Variants in FBXO3 observed in about 807,000 individuals in gnomAD.
FBXO3 encodes the protein F-box protein 3.
A neutral mutation model predicts 64.8 loss-of-function variants in FBXO3; 17 were observed. The observed-to-expected ratio is 0.26, with a 90% CI of 0.18 to 0.39. The LOEUF is 0.39. Ranked by LOEUF, FBXO3 falls within the 10% of genes least tolerant of loss-of-function variation. The probability of loss-of-function intolerance (pLI) is 1.00; values close to 1 mark genes in which losing one functional copy is unlikely to be tolerated. For synonymous variants in FBXO3, 182 were observed against 201.6 expected, an observed-to-expected ratio of 0.90 and a Z score of 0.82; for missense variants, 420 against 589.9, an observed-to-expected ratio of 0.71 and a Z score of 2.98.
At chr11:33,750,244 T>C (rs542407420) in intron 8 of FBXO3, among the ~76,000 whole-genome samples, 1 of 152,290 alleles carries the variant, frequency 6.6e-6, no homozygotes, top group South Asian at 2.1e-4. Context: ...GCTTCTAGAA[T>C]GCATTACAAC....
At chr11:33,765,889 G>A (rs1218646190) in intron 3 of FBXO3, among the ~76,000 whole-genome samples, 1 of 152,100 alleles carries the variant, frequency 6.6e-6, no homozygotes, top group Non-Finnish European at 1.5e-5. Flanking sequence ...AGCTCCCTGA[G>A]GCCTCCCCAG....
At chr11:33,747,876 T>TAAAAAAAAA (rs60328389) in intron 9 of FBXO3, among the ~76,000 whole-genome samples, 1 of 106,706 alleles carries the variant, frequency 9.4e-6, no homozygotes, top group Non-Finnish European at 2.0e-5. Context: ...AAGTATCTAG[T>TAAAAAAAAA]AAAAAAAAAA....
intron 1 of FBXO3, chr11:33,772,995 A>G (rs1314942536): frequency 6.6e-6 from 1 of 151,626 alleles, no homozygotes; most frequent in Non-Finnish European, 1.5e-5. Flanking sequence ...GCCACAGGAA[A>G]AAAAAAAAAA....
At chr11:33,773,595 A>G (rs1276866242) in intron 1 of FBXO3, 2 of 152,304 alleles carry the variant, frequency 1.3e-5, no homozygotes, top group Non-Finnish European at 2.9e-5. Flanking sequence ...CAATCCTGAC[A>G]GCTGGGGGGC....
At chr11:33,761,867 T>C (rs1328094900) in intron 3 of FBXO3, among the ~76,000 whole-genome samples, 1 of 152,176 alleles carries the variant, frequency 6.6e-6, no homozygotes, top group Non-Finnish European at 1.5e-5. Flanking sequence ...CTCCATAATA[T>C]GCCAGCTTGC....
At chr11:33,759,538 A>T (rs189947450) in intron 3 of FBXO3, among the ~76,000 whole-genome samples, 2 of 152,360 alleles carry the variant, frequency 1.3e-5, no homozygotes, top group Admixed American at 1.3e-4. Flanking sequence ...ACTAAAGCCC[A>T]GCTTTCAATC....
intron 2 of FBXO3, among the ~76,000 whole-genome samples, chr11:33,769,645 A>C (rs898397095): frequency 6.6e-6 from 1 of 152,118 alleles, no homozygotes; most frequent in Admixed American, 6.5e-5. Flanking sequence ...AGACGGCCTT[A>C]AGGTAACATA....
At chr11:33,754,676 G>A (rs988453429) in intron 5 of FBXO3, among the ~76,000 whole-genome samples, 176 bp from the exon 6 acceptor site, 11 of 152,104 alleles carry the variant, frequency 7.2e-5, no homozygotes, top group Non-Finnish European at 1.3e-4. Context: ...CAAGAGATCC[G>A]AACAGTTCTA....
intron 8 of FBXO3, among the ~76,000 whole-genome samples, chr11:33,750,267 T>A (rs1289652655): frequency 6.6e-6 from 1 of 152,228 alleles, no homozygotes; most frequent in African/African-American, 2.4e-5. Flanking sequence ...GAAGCTTTAA[T>A]GACGACTACA....
intron 10 of FBXO3, chr11:33,744,753 G>T (rs750770189): frequency 6.6e-6 from 1 of 152,196 alleles, no homozygotes; most frequent in Admixed American, 6.5e-5. Context: ...ATAGTTAAGA[G>T]AGAGCTGAAC....
At position 33,741,781 on chromosome 11, in the gene FBXO3, G is replaced by A; in HGVS notation, c.*127C>T. ...CTAATGTAGTGTCACATAGAACCCAGGGCCTGAAACAATATTTCATGCTAG... is the reference window on the plus strand; with the variant it reads ...CTAATGTAGTGTCACATAGAACCCAAGGCCTGAAACAATATTTCATGCTAG... On this transcript the variant is annotated 3_prime_UTR_variant, in exon 11 of 11. Transcript: ENST00000265651. 1 of 929,174 alleles carries A rather than the reference G, an allele frequency of 1.1e-6. No homozygotes were observed. The highest frequency in any genetic ancestry group is 1.5e-6 in the Non-Finnish European group (1 of 678,800). The allele number at this position is 929,174 out of a possible 1,614,324, so 57.6% of individuals were successfully genotyped here.
At chr11:33,767,049 T>C (rs181721771) in intron 3 of FBXO3, among the ~76,000 whole-genome samples, 158 of 149,888 alleles carry the variant, frequency 1.1e-3, no homozygotes, top group African/African-American at 3.7e-3. Flanking sequence ...AGCTGTTACA[T>C]ATCCTTAGTT....
At chr11:33,750,740 G>A in intron 7 of FBXO3, 79 bp from the exon 8 acceptor site, 4 of 1,331,292 alleles carry the variant, frequency 3.0e-6, no homozygotes, top group East Asian at 2.4e-5. Flanking sequence ...TTATACTTTA[G>A]GACAAAAAAT....
Position 33,758,576 on chromosome 11 carries a change from A to G in FBXO3, c.384T>C (p.Asp128=), listed in dbSNP as rs774830049. Residue 128 remains aspartate (D), a synonymous_variant, in exon 4 of 11, where the codon GAT becomes GAC. Coordinates refer to ENST00000265651, the MANE Select transcript of FBXO3 (RefSeq NM_012175.4). ...LKEGAREEDL[D]AVEAQIGCKL... is the part of the protein sequence containing the mutation. ...TGCAGCCAATCTGCGCTTCCACAGC[A>G]TCGAGGTCTTCCTCTCGAGCACCCT... The G allele has an allele frequency of 6.2e-7, 1 of 1,608,224 alleles. No homozygotes were observed. Among genetic ancestry groups the G allele is most frequent in the Non-Finnish European group, 8.5e-7 (1 of 1,175,638 alleles).
At chr11:33,749,247 C>T (rs1180138158) in intron 8 of FBXO3, among the ~76,000 whole-genome samples, 1 of 152,180 alleles carries the variant, frequency 6.6e-6, no homozygotes, top group Non-Finnish European at 1.5e-5. Context: ...TGAAAAACTT[C>T]CGGAGAACTG....
intron 8 of FBXO3, among the ~76,000 whole-genome samples, chr11:33,749,515 C>T (rs912214542): frequency 6.6e-6 from 1 of 152,128 alleles, no homozygotes; most frequent in South Asian, 2.1e-4. Context: ...GCATGTGCCA[C>T]CACACCTGGC....
intron 1 of FBXO3, chr11:33,774,183 G>A (rs1344930361): frequency 1.9e-6 from 1 of 526,884 alleles, no homozygotes. Context: ...TCATACCTGG[G>A]CCCAGGACAG....
At chr11:33,754,433 A>G (rs1179454617) in intron 6 of FBXO3, 22 bp downstream of exon 6, 1 of 1,568,366 alleles carries the variant, frequency 6.4e-7, no homozygotes, top group South Asian at 1.2e-5. Flanking sequence ...GAAGGGGGAA[A>G]AAAGACTTTT....
chr11:33,747,161 C>T lies in FBXO3; in HGVS notation c.1208G>A (p.Cys403Tyr). Residue 403 changes from cysteine (C) to tyrosine (Y), a missense_variant, in exon 10 of 11, where the codon TGT becomes TAT. Around this residue, in one of 3 missense-constraint regions of FBXO3, gnomAD observed 337 missense variants for 518.4 expected, o/e 0.65. Transcript: ENST00000265651. ...NVAIPRFHMA[C>Y]PTFRVSIARL... ...GGCTATAGACACCCTGAATGTTGGA[C>T]ATGCCATATGGAATCGGGGAATGGC... is the stretch of plus-strand genomic sequence containing the variant. 1 of 1,608,876 alleles carries T rather than the reference C, an allele frequency of 6.2e-7. No individual in the cohort carries two copies. The highest frequency in any genetic ancestry group is 1.1e-5 in the South Asian group (1 of 90,308).
Sources: gnomAD v4.1 joint callset for allele counts (sites outside exome capture counted in the v4.1 genomes callset) on GRCh38, gnomAD v4.1.1 for gene constraint, gnomAD v4.1.1 regional missense constraint, MANE v1.5 for transcripts, NCBI Gene and HGNC (gene_info 2026-07-23, HGNC 2026-07-21) for gene names.